The following XKR4 variants were observed in gnomAD, a reference collection of about 807,000 sequenced individuals.
XKR4 encodes XK related 4.
A neutral mutation model predicts 53.9 loss-of-function variants in XKR4; 12 were observed. The observed-to-expected ratio is 0.22, with a 90% CI of 0.14 to 0.36. XKR4 has a LOEUF of 0.36. XKR4 is among the 10% of genes least tolerant of loss of function. The pLI, the probability that XKR4 is intolerant of heterozygous loss-of-function variation, is 1.00. For synonymous variants in XKR4, 354 were observed against 362.4 expected, an observed-to-expected ratio of 0.98 and a Z score of 0.26; for missense variants, 799 against 859.5, an observed-to-expected ratio of 0.93 and a Z score of 0.88.
intron 1 of XKR4, among the ~76,000 whole-genome samples, chr8:55,247,751 T>C (rs931784692): frequency 3.9e-5 from 6 of 152,160 alleles, no homozygotes; most frequent in African/African-American, 1.4e-4. Flanking sequence ...CTTTATCCTT[T>C]CTCTTACGAG....
intron 2 of XKR4, among the ~76,000 whole-genome samples, chr8:55,435,096 A>C (rs139143690): frequency 2.7e-4 from 41 of 152,348 alleles, no homozygotes; most frequent in Non-Finnish European, 5.3e-4. Flanking sequence ...TGGCTGGTCA[A>C]AAGATGCCCC....
chr8:55,518,660 G>A (rs1018693985), intron 2 of XKR4, among the ~76,000 whole-genome samples: 21 of 152,262 alleles, frequency 1.4e-4, no homozygotes, highest in Admixed American at 1.1e-3. Context: ...GGGGTTTCAG[G>A]TCTCACAGTC....
rs1483136905 is a variant in XKR4 at position 55,103,326 on chromosome 8, T to G, written c.806+32T>G. 5 of 1,558,444 alleles carry G rather than the reference T, an allele frequency of 3.2e-6. No individual in the cohort carries two copies. The Admixed American group carries it at 9.3e-5, about 29-fold the overall frequency. Reference sequence around the variant, plus strand: ...TAATGGGTGGGGGAAAAGGGAGGCTTGCTGCTGCTACTACATCCCCACTGC... The same window carrying G: ...TAATGGGTGGGGGAAAAGGGAGGCTGGCTGCTGCTACTACATCCCCACTGC... On this transcript the variant is annotated intron_variant, in intron 1 of 2. Coordinates refer to ENST00000327381, the MANE Select transcript of XKR4 (RefSeq NM_052898.2).
intron 2 of XKR4, among the ~76,000 whole-genome samples, chr8:55,358,639 T>C (rs911114117): frequency 6.6e-6 from 1 of 152,212 alleles, no homozygotes; most frequent in African/African-American, 2.4e-5. Context: ...GGTGAATACA[T>C]GGGCACATGG....
intron 1 of XKR4, among the ~76,000 whole-genome samples, chr8:55,226,733 C>T (rs1817957799): frequency 6.6e-6 from 1 of 152,154 alleles, no homozygotes; most frequent in African/African-American, 2.4e-5. Flanking sequence ...CTTGCCCAGA[C>T]TGCTGAAATC....
At chr8:55,107,031 A>G (rs956368830) in intron 1 of XKR4, among the ~76,000 whole-genome samples, 4 of 152,182 alleles carry the variant, frequency 2.6e-5, no homozygotes, top group African/African-American at 9.6e-5. Flanking sequence ...TTTTAAAGTC[A>G]CATCTATTAA....
At chr8:55,488,234 C>T (rs192115668) in intron 2 of XKR4, among the ~76,000 whole-genome samples, 154 of 152,260 alleles carry the variant, frequency 1.0e-3, no homozygotes, top group African/African-American at 3.6e-3. Flanking sequence ...GGATGCGGGG[C>T]AACAGGAACT....
chr8:55,118,855 T>C (rs1186455989), intron 1 of XKR4, among the ~76,000 whole-genome samples: 1 of 152,204 alleles, frequency 6.6e-6, no homozygotes, highest in Non-Finnish European at 1.5e-5. Context: ...GATTTCTAAA[T>C]ATGTTTTTCG....
intron 2 of XKR4, among the ~76,000 whole-genome samples, chr8:55,412,867 C>G (rs1005106164): frequency 6.6e-6 from 1 of 152,208 alleles, no homozygotes; most frequent in Non-Finnish European, 1.5e-5. Context: ...GGAGGAGAAT[C>G]ATTTGTCCTT....
In XKR4 at chr8:55,102,402, C is replaced by A. The variant is rs902082711; in HGVS notation, c.-87C>A. The A allele has an allele frequency of 5.6e-6, 8 of 1,419,862 alleles. No homozygotes were observed. In the African/African-American group the frequency reaches 1.2e-4, roughly 21 times the overall value. The allele number at this position is 1,419,862 out of a possible 1,614,324, so 88.0% of individuals were successfully genotyped here. A position where few individuals can be genotyped will look rare whatever the true frequency, so the allele number is the denominator to read the frequency against. On this transcript the variant is annotated 5_prime_UTR_variant, in exon 1 of 3. Coordinates refer to ENST00000327381, the MANE Select transcript of XKR4 (RefSeq NM_052898.2). This position sits in a 1 kb window ranked among gnomAD's most constrained non-coding sequence, Gnocchi z 5.1. ...GAGCCGCACCGCCTGGGAGGGAAGC[C>A]GGGGCGAGGCGAGGAGGTGGCGGGA...
Position 55,310,796 on chromosome 8 carries a change from G to A in XKR4, c.807-46882G>A, listed in dbSNP as rs150871856. Reference sequence around the variant, plus strand: ...GAAGCCGACCCTGAGTGGGAGATTCGTGAGAAAAGGTTTATTCCGGAATGC... The same window carrying A: ...GAAGCCGACCCTGAGTGGGAGATTCATGAGAAAAGGTTTATTCCGGAATGC... On this transcript the variant is annotated intron_variant, in intron 1 of 2. Coordinates refer to ENST00000327381, the MANE Select transcript of XKR4 (RefSeq NM_052898.2). Among the ~76,000 whole-genome samples, 201 of 152,294 alleles carry A rather than the reference G, an allele frequency of 1.3e-3. 3 individuals are homozygous for A. In the East Asian group the frequency reaches 0.032, roughly 24 times the overall value.
intron 1 of XKR4, among the ~76,000 whole-genome samples, chr8:55,240,619 C>T (rs114817188): frequency 0.016 from 2,416 of 152,202 alleles, 55 homozygotes; most frequent in African/African-American, 0.055. Context: ...ACCTTATTTT[C>T]CCCACAAGGA....
intron 2 of XKR4, among the ~76,000 whole-genome samples, chr8:55,399,867 A>T (rs575069054): frequency 1.3e-5 from 2 of 152,194 alleles, no homozygotes; most frequent in African/African-American, 2.4e-5. Flanking sequence ...GGCTATGAGG[A>T]TGCAGGCACA....
chr8:55,404,351 C>A (rs1196593290), intron 2 of XKR4, among the ~76,000 whole-genome samples: 2 of 152,158 alleles, frequency 1.3e-5, no homozygotes, highest in South Asian at 2.1e-4. Flanking sequence ...AATATTAGAG[C>A]ACAATCCCTT....
chr8:55,140,103 AC>A, intron 1 of XKR4: 1 of 420,114 alleles, frequency 2.4e-6, no homozygotes, highest in Non-Finnish European at 4.7e-6. Context: ...TTAAGAGTTT[AC>A]CAGGTGAATT....
chr8:55,112,355 T>C (rs1462641351), intron 1 of XKR4, among the ~76,000 whole-genome samples: 2 of 152,058 alleles, frequency 1.3e-5, no homozygotes, highest in Non-Finnish European at 2.9e-5. Flanking sequence ...GTAGGATCTA[T>C]AGGGAACACC....
chr8:55,493,589 A>G (rs2622578), intron 2 of XKR4, among the ~76,000 whole-genome samples: 61,983 of 152,188 alleles, frequency 0.41, 13,830 homozygotes, highest in African/African-American at 0.59. Context: ...ATGGGTCTGT[A>G]GCTATAGCTA....
At chr8:55,485,414 A>G (rs953213828) in intron 2 of XKR4, among the ~76,000 whole-genome samples, 1 of 152,274 alleles carries the variant, frequency 6.6e-6, no homozygotes, top group Non-Finnish European at 1.5e-5. Context: ...CAGCAAGCTC[A>G]TAGAATATAA....
At chr8:55,287,972 A>G (rs79689360) in intron 1 of XKR4, among the ~76,000 whole-genome samples, 2,660 of 152,266 alleles carry the variant, frequency 0.017, 39 homozygotes, top group Non-Finnish European at 0.027. Context: ...TAAATCTAAT[A>G]TGGCAAGCTT....
Sources: gnomAD v4.1 joint callset for allele counts (sites outside exome capture counted in the v4.1 genomes callset) on GRCh38, gnomAD v4.1.1 for gene constraint, Gnocchi (gnomAD v3.1) non-coding constraint, MANE v1.5 for transcripts, NCBI Gene and HGNC (gene_info 2026-07-23, HGNC 2026-07-21) for gene names.